Variants in PCDHGB2 observed in about 807,000 individuals in gnomAD.
PCDHGB2 encodes protocadherin gamma-B2.
In PCDHGB2, 55 loss-of-function variants were observed where a neutral mutation model predicts 59.3. The ratio of observed to expected loss-of-function variants is 0.93; its 90% CI spans 0.75 to 1.16. The LOEUF (loss-of-function observed/expected upper bound fraction) is 1.16, where lower values mean the gene tolerates loss of function less well. Ranked by LOEUF, PCDHGB2 falls within the 50% of genes most tolerant of loss-of-function variation. PCDHGB2 has a pLI of 0.00. For synonymous variants in PCDHGB2, 516 were observed against 512.0 expected, an observed-to-expected ratio of 1.01 and a Z score of -0.11; for missense variants, 1,228 against 1,198.5, an observed-to-expected ratio of 1.02 and a Z score of -0.36.
chr5:141,468,093 G>C (rs1319825848), intron 1 of PCDHGB2, among the ~76,000 whole-genome samples: 2 of 152,112 alleles, frequency 1.3e-5, no homozygotes, highest in Non-Finnish European at 2.9e-5. Flanking sequence ...GGGAGGTTGA[G>C]GCAGGCAGAT....
At chr5:141,435,884 C>G (rs1020738994) in intron 1 of PCDHGB2, among the ~76,000 whole-genome samples, 9 of 152,070 alleles carry the variant, frequency 5.9e-5, no homozygotes, top group African/African-American at 1.9e-4. Flanking sequence ...ATTGGAAACC[C>G]CTTAGAGAAT....
rs1404153764 is a variant in PCDHGB2 at position 141,364,593 on chromosome 5, G to A, written c.2421+2037G>A. On this transcript the variant is annotated intron_variant, in intron 1 of 3. Transcript: ENST00000522605. ...CGAAGCGGCAGCTTGGTCACCGCGG[G>A]CAGGATAGACCGGGAGGAGCTCTGC... 1.9e-6 allele frequency: 3 copies of A among 1,614,214 alleles called. No homozygotes were observed. The South Asian group carries it at 3.3e-5, about 18-fold the overall frequency.
intron 1 of PCDHGB2, chr5:141,403,621 C>T: frequency 6.2e-7 from 1 of 1,613,926 alleles, no homozygotes; most frequent in Non-Finnish European, 8.5e-7. Flanking sequence ...CGCGTCGCTC[C>T]AGCACAGTGC....
chr5:141,362,573 T>A lies in PCDHGB2; in HGVS notation c.2421+17T>A. On this transcript the variant is annotated intron_variant, in intron 1 of 3. Coordinates refer to ENST00000522605, the MANE Select transcript of PCDHGB2 (RefSeq NM_018923.3). The stretch of plus-strand genomic sequence containing the variant: ...ATTTTGAAGGTGAGCTTTAATTAAT[T>A]TATTTTCACTTCTGGTTTTATTGTT... 1 of 1,605,780 alleles carries A rather than the reference T, an allele frequency of 6.2e-7. No homozygotes were observed. Among genetic ancestry groups the A allele is most frequent in the South Asian group, 1.1e-5 (1 of 89,840 alleles).
chr5:141,423,317 C>T, intron 1 of PCDHGB2: 4 of 1,614,118 alleles, frequency 2.5e-6, no homozygotes, highest in Non-Finnish European at 3.4e-6. Flanking sequence ...TTGGTGGTGG[C>T]GGTGGCCGCA....
chr5:141,423,897 T>G, intron 1 of PCDHGB2: 7 of 1,278,866 alleles, frequency 5.5e-6, no homozygotes, highest in Non-Finnish European at 6.9e-6. Flanking sequence ...TTTCTTTTGA[T>G]TTCAAAGGGG....
At position 141,489,302 on chromosome 5, in the gene PCDHGB2, T is replaced by C. The variant is rs1258736404; in HGVS notation, c.2422-5505T>C. 2 of 1,586,886 alleles carry C rather than the reference T, an allele frequency of 1.3e-6. No homozygotes were observed. The highest frequency in any genetic ancestry group is 2.3e-5 in the South Asian group (2 of 85,378). ...TGGCAAGTGCTGTGCATGTTGTCCT[T>C]GTGCTGCTGGGGCTGGGTGTCTGGG... On this transcript the variant is annotated intron_variant, in intron 1 of 3. Transcript: ENST00000522605. The surrounding 1 kb of genome is among the most constrained non-coding windows in gnomAD (Gnocchi z 4.5).
In PCDHGB2 at chr5:141,360,729, CT is replaced by C; in HGVS notation, c.595del (p.Ser199LeufsTer53). On this transcript the variant is annotated frameshift_variant, in exon 1 of 4. Transcript: ENST00000522605. LOFTEE classifies it high-confidence loss of function. Reference protein sequence around the residue: ...RKYPELILKHSLDREEHSLHQ... With the variant: ...RKYPELILKHXLDREEHSLHQ... ...AATATCCTGAGTTGATTCTAAAACA[CT>C]CTCTGGACAGAGAAGAGCACAGTTT... 1 of 1,614,004 alleles carries C rather than the reference CT, an allele frequency of 6.2e-7. No homozygotes were observed. The highest frequency in any genetic ancestry group is 8.5e-7 in the Non-Finnish European group (1 of 1,179,890).
At chr5:141,495,923 T>G (rs1337381299) in intron 2 of PCDHGB2, among the ~76,000 whole-genome samples, 4 of 152,306 alleles carry the variant, frequency 2.6e-5, no homozygotes, top group South Asian at 2.1e-4. Context: ...TTTCTTTGTC[T>G]CTGTCTCTGG....
intron 1 of PCDHGB2, chr5:141,370,618 T>C: frequency 6.2e-7 from 1 of 1,613,964 alleles, no homozygotes; most frequent in Non-Finnish European, 8.5e-7. Context: ...AAGAAATTCT[T>C]TACCGTGAGC....
At chr5:141,430,642 A>C in intron 1 of PCDHGB2, 2 of 918,498 alleles carry the variant, frequency 2.2e-6, no homozygotes, top group South Asian at 5.1e-5. Flanking sequence ...CCCTGGGAGT[A>C]TGTGGAAACA....
rs1293373069 is a variant in PCDHGB2, at chr5:141,360,089, G to A, written c.-47G>A. 1.3e-6 allele frequency: 2 copies of A among 1,505,466 alleles called. No homozygotes were observed. Among genetic ancestry groups the A allele is most frequent in the East Asian group, 2.4e-5 (1 of 41,488 alleles). 93.3% of individuals were successfully genotyped at this position (1,505,466 alleles called of 1,614,324 possible). On this transcript the variant is annotated 5_prime_UTR_variant, in exon 1 of 4. Transcript: ENST00000522605. ...CCTTAGCCCGGATTCTGCCATCCCC[G>A]GAAGGCTTATTCCTCCTATGGGCAA...
chr5:141,421,277 T>C (rs761435958), intron 1 of PCDHGB2: 2 of 1,612,826 alleles, frequency 1.2e-6, no homozygotes, highest in Non-Finnish European at 1.7e-6. Flanking sequence ...CTGCTGCTGC[T>C]GTGCATTTTC....
intron 1 of PCDHGB2, chr5:141,418,511 G>A: frequency 5.6e-6 from 9 of 1,613,974 alleles, no homozygotes; most frequent in Non-Finnish European, 7.6e-6. Context: ...CTTAGATGGT[G>A]GGGACCCTCC....
chr5:141,386,155 C>G (rs763846568), intron 1 of PCDHGB2, among the ~76,000 whole-genome samples: 1 of 152,160 alleles, frequency 6.6e-6, no homozygotes, highest in Non-Finnish European at 1.5e-5. Flanking sequence ...AACTGTCTCA[C>G]GTACTCAAAC....
Position 141,398,862 on chromosome 5 carries a change from C to G in PCDHGB2, c.2421+36306C>G, listed in dbSNP as rs771326288. On this transcript the variant is annotated intron_variant, in intron 1 of 3. Transcript: ENST00000522605. ...ATAATCCCCCGGTATTCAACCGAGA[C>G]GTGTACAGAGTCAGCCTTCGGGAAA... 4 of 1,613,848 alleles carry G rather than the reference C, an allele frequency of 2.5e-6. No individual in the cohort carries two copies. The African/African-American group carries it at 5.3e-5, about 22-fold the overall frequency.
In PCDHGB2 at chr5:141,487,456, G is replaced by A. The variant is rs1041154635; in HGVS notation, c.2422-7351G>A. Reference sequence around the variant, plus strand: ...AGCTAGGGTCAGATGACCCTATCAAGTTTGTTGATGTGGGAGGCCACTCTC... The same window carrying A: ...AGCTAGGGTCAGATGACCCTATCAAATTTGTTGATGTGGGAGGCCACTCTC... On this transcript the variant is annotated intron_variant, in intron 1 of 3. Coordinates refer to ENST00000522605, the MANE Select transcript of PCDHGB2 (RefSeq NM_018923.3). The surrounding 1 kb of genome is among the most constrained non-coding windows in gnomAD (Gnocchi z 5.0). 6.2e-7 allele frequency: 1 copy of A among 1,614,196 alleles called. No individual in the cohort carries two copies. The highest frequency in any genetic ancestry group is 8.5e-7 in the Non-Finnish European group (1 of 1,180,026).
intron 1 of PCDHGB2, chr5:141,395,737 A>T (rs2093305517): frequency 6.5e-6 from 1 of 152,906 alleles, no homozygotes; most frequent in Non-Finnish European, 1.5e-5. Flanking sequence ...TTCACTTTAA[A>T]CCTCTTTTCT....
Position 141,477,678 on chromosome 5 carries a change from C to T in PCDHGB2, c.2422-17129C>T, listed in dbSNP as rs967769574. ...AATCGTGACAATGGCATAGTGTCAT[C>T]CTTAGTGCCCCTAGACTATGAGGAT... On this transcript the variant is annotated intron_variant, in intron 1 of 3. Coordinates refer to ENST00000522605, the MANE Select transcript of PCDHGB2 (RefSeq NM_018923.3). This position sits in a 1 kb window ranked among gnomAD's most constrained non-coding sequence, Gnocchi z 4.9. 9.9e-6 allele frequency: 16 copies of T among 1,614,182 alleles called. No homozygotes were observed. The highest frequency in any genetic ancestry group is 1.1e-5 in the Non-Finnish European group (13 of 1,180,046).
Sources: gnomAD v4.1 joint callset for allele counts (sites outside exome capture counted in the v4.1 genomes callset) on GRCh38, gnomAD v4.1.1 for gene constraint, Gnocchi (gnomAD v3.1) non-coding constraint, MANE v1.5 for transcripts, NCBI Gene and HGNC (gene_info 2026-07-23, HGNC 2026-07-21) for gene names.